GALNTL6: variants seen among roughly 807,000 people sequenced by gnomAD.
GALNTL6 encodes polypeptide N-acetylgalactosaminyltransferase-like 6.
GALNTL6 carries 46 observed loss-of-function variants against 73.7 expected under a neutral mutation model. The observed-to-expected ratio is 0.62, with a 90% CI of 0.49 to 0.80. GALNTL6 has a LOEUF of 0.80. GALNTL6 is among the 30% of genes least tolerant of loss of function. GALNTL6 has a pLI of 0.00. For missense variants in GALNTL6, 604 were observed against 755.0 expected, an observed-to-expected ratio of 0.80 and a Z score of 2.34; for synonymous variants, 259 against 263.7, an observed-to-expected ratio of 0.98 and a Z score of 0.17.
chr4:172,300,050 T>C (rs1167400808), intron 3 of GALNTL6, among the ~76,000 whole-genome samples: 1 of 152,206 alleles, frequency 6.6e-6, no homozygotes, highest in Non-Finnish European at 1.5e-5. Context: ...ATCTGGGTGC[T>C]CCTGTATTGG....
intron 2 of GALNTL6, among the ~76,000 whole-genome samples, chr4:171,948,945 C>A (rs1578998267): frequency 1.4e-5 from 2 of 140,018 alleles, no homozygotes; most frequent in South Asian, 4.9e-4. Flanking sequence ...ATGACAGACT[C>A]GCAAGCCATA....
intron 2 of GALNTL6, among the ~76,000 whole-genome samples, chr4:172,193,907 A>G (rs562128854): frequency 1.3e-5 from 2 of 152,022 alleles, no homozygotes; most frequent in Non-Finnish European, 2.9e-5. Context: ...AATGCCAAAA[A>G]CTCAAAAAGC....
intron 3 of GALNTL6, among the ~76,000 whole-genome samples, chr4:172,281,750 C>T (rs1199655814): frequency 6.6e-6 from 1 of 152,056 alleles, no homozygotes; most frequent in African/African-American, 2.4e-5. Context: ...TTGTCTTGCT[C>T]TCACCTGAAT....
At chr4:172,108,603 C>G (rs1488402996) in intron 2 of GALNTL6, among the ~76,000 whole-genome samples, 1 of 152,068 alleles carries the variant, frequency 6.6e-6, no homozygotes, top group African/African-American at 2.4e-5. Flanking sequence ...CCGGAAACAC[C>G]CTCACAGATA....
At chr4:172,392,721 C>T (rs1743708433) in intron 5 of GALNTL6, among the ~76,000 whole-genome samples, 1 of 152,172 alleles carries the variant, frequency 6.6e-6, no homozygotes, top group African/African-American at 2.4e-5. Context: ...TGTCCTGGCT[C>T]TGGTGCCAGG....
intron 2 of GALNTL6, among the ~76,000 whole-genome samples, chr4:172,224,467 T>C (rs79711237): frequency 0.12 from 17,723 of 152,220 alleles, 1,162 homozygotes; most frequent in Middle Eastern, 0.18. Flanking sequence ...AAAACTAAGA[T>C]AGGTTTTAGA....
At chr4:172,752,578 T>C (rs772597180) in intron 5 of GALNTL6, among the ~76,000 whole-genome samples, 3 of 152,126 alleles carry the variant, frequency 2.0e-5, no homozygotes, top group Non-Finnish European at 2.9e-5. Flanking sequence ...TTTATATTTT[T>C]TACAATTATG....
rs770243374 is a variant in GALNTL6, at chr4:172,598,981, C to T, written c.554-210380C>T. ...TATCATAGTAAGATTATGGAGGAAA[C>T]GAGTCTTTCCTTCATAAAGTAGGAG... On this transcript the variant is annotated intron_variant, in intron 5 of 12. Coordinates refer to ENST00000506823, the MANE Select transcript of GALNTL6 (RefSeq NM_001034845.3). Among the ~76,000 whole-genome samples the T allele has an allele frequency of 1.2e-4, 19 of 152,064 alleles. No individual in the cohort carries two copies. The East Asian group carries it at 1.4e-3, about 11-fold the overall frequency.
At chr4:172,273,294 C>T (rs780637556) in intron 3 of GALNTL6, among the ~76,000 whole-genome samples, 7 of 152,090 alleles carry the variant, frequency 4.6e-5, no homozygotes, top group Non-Finnish European at 5.9e-5. Flanking sequence ...ATAGTGTGTG[C>T]ATCGTGCATT....
intron 2 of GALNTL6, among the ~76,000 whole-genome samples, chr4:172,113,477 C>T (rs1357340177): frequency 5.3e-5 from 8 of 151,896 alleles, no homozygotes; most frequent in Non-Finnish European, 1.2e-4. Context: ...TTTCTATAGA[C>T]AGTACAATGA....
At chr4:172,327,236 T>C (rs1419615505) in intron 4 of GALNTL6, among the ~76,000 whole-genome samples, 2 of 152,146 alleles carry the variant, frequency 1.3e-5, no homozygotes, top group Non-Finnish European at 2.9e-5. Flanking sequence ...TTGATTTTTA[T>C]ATCTATTGTG....
intron 7 of GALNTL6, among the ~76,000 whole-genome samples, chr4:172,859,687 G>A (rs1240225658): frequency 6.6e-6 from 1 of 152,190 alleles, no homozygotes; most frequent in Non-Finnish European, 1.5e-5. Flanking sequence ...GCAGGAAGTA[G>A]AGGCCAGCAA....
chr4:172,123,500 ATTTTTTTTT>A (rs67067629), intron 2 of GALNTL6, among the ~76,000 whole-genome samples: 3 of 115,418 alleles, frequency 2.6e-5, no homozygotes, highest in African/African-American at 6.9e-5. Context: ...AAAAGTCATA[ATTTTTTTTT>A]TTTTTTTTTT....
intron 3 of GALNTL6, among the ~76,000 whole-genome samples, chr4:172,303,915 TTGTC>T (rs1249906475): frequency 6.6e-6 from 1 of 152,198 alleles, no homozygotes; most frequent in African/African-American, 2.4e-5. Flanking sequence ...GATAAATCCT[TTGTC>T]TGCCTCATAA....
chr4:172,853,744 C>T (rs191196087), intron 7 of GALNTL6, among the ~76,000 whole-genome samples: 80 of 152,270 alleles, frequency 5.3e-4, no homozygotes, highest in African/African-American at 1.9e-3. Context: ...AAGGGCATTA[C>T]AAGAGAGAAT....
chr4:173,033,754 C>T (rs951809606), intron 12 of GALNTL6, among the ~76,000 whole-genome samples: 1 of 152,198 alleles, frequency 6.6e-6, no homozygotes, highest in African/African-American at 2.4e-5. Flanking sequence ...CCTTCATTCC[C>T]TCATAGCCAT....
intron 8 of GALNTL6, among the ~76,000 whole-genome samples, chr4:172,923,587 T>C (rs2111298657): frequency 6.6e-6 from 1 of 152,326 alleles, no homozygotes; most frequent in East Asian, 1.9e-4. Flanking sequence ...TAATGAGCAA[T>C]GCAGCCACTA....
At chr4:172,382,711 A>T (rs1246703224) in intron 5 of GALNTL6, among the ~76,000 whole-genome samples, 1 of 152,088 alleles carries the variant, frequency 6.6e-6, no homozygotes, top group East Asian at 1.9e-4. Context: ...CTCTCTTCTA[A>T]AAGTTTTGTA....
intron 3 of GALNTL6, among the ~76,000 whole-genome samples, chr4:172,258,073 A>T (rs1404341457): frequency 6.6e-6 from 1 of 151,290 alleles, no homozygotes; most frequent in Non-Finnish European, 1.5e-5. Flanking sequence ...GATATTCTAT[A>T]ATCATTTTAG....
Sources: gnomAD v4.1 joint callset for allele counts (sites outside exome capture counted in the v4.1 genomes callset) on GRCh38, gnomAD v4.1.1 for gene constraint, MANE v1.5 for transcripts, NCBI Gene and HGNC (gene_info 2026-07-23, HGNC 2026-07-21) for gene names.